The following COLEC11 variants were observed in gnomAD, a reference collection of about 807,000 sequenced individuals.
COLEC11 encodes the protein collectin subfamily member 11, also known as collectin-11.
COLEC11 carries 20 observed loss-of-function variants against 27.3 expected under a neutral mutation model. The ratio of observed to expected loss-of-function variants is 0.73; its 90% CI spans 0.51 to 1.06. COLEC11 has a LOEUF of 1.06. Ranked by LOEUF, COLEC11 falls within the 50% of genes least tolerant of loss-of-function variation. The probability of loss-of-function intolerance (pLI) is 0.00; values close to 1 mark genes in which losing one functional copy is unlikely to be tolerated. For missense variants in COLEC11, 310 were observed against 383.0 expected, an observed-to-expected ratio of 0.81 and a Z score of 1.59; for synonymous variants, 163 against 154.7, an observed-to-expected ratio of 1.05 and a Z score of -0.40.
chr2:3,626,123 T>G, intron 3 of COLEC11: 1 of 1,574,990 alleles, frequency 6.3e-7, no homozygotes, highest in Non-Finnish European at 8.7e-7. Flanking sequence ...ACCTTCACAC[T>G]TAAGTTGGAC....
chr2:3,600,445 C>T (rs753792212), intron 1 of COLEC11, among the ~76,000 whole-genome samples: 3 of 152,006 alleles, frequency 2.0e-5, no homozygotes, highest in Non-Finnish European at 4.4e-5. Flanking sequence ...GTCTCAGCTA[C>T]CAGGGAGGCT....
chr2:3,627,548 G>C (rs576711235), intron 3 of COLEC11, among the ~76,000 whole-genome samples: 1 of 150,820 alleles, frequency 6.6e-6, no homozygotes, highest in Non-Finnish European at 1.5e-5. Flanking sequence ...TGCTGGGCAT[G>C]ACACTGGGCA....
intron 1 of COLEC11, among the ~76,000 whole-genome samples, chr2:3,596,233 T>G (rs775316064): frequency 6.6e-6 from 1 of 152,186 alleles, no homozygotes; most frequent in Non-Finnish European, 1.5e-5. Flanking sequence ...TAGGAGGTAT[T>G]TGTGGTGCCT....
At chr2:3,623,573 A>G (rs995810384) in intron 3 of COLEC11, among the ~76,000 whole-genome samples, 7 of 151,666 alleles carry the variant, frequency 4.6e-5, no homozygotes, top group African/African-American at 9.7e-5. Flanking sequence ...TGTTTGATCA[A>G]TTCTGCTCTT....
At chr2:3,624,124 C>G (rs920423721) in intron 3 of COLEC11, among the ~76,000 whole-genome samples, 2 of 152,206 alleles carry the variant, frequency 1.3e-5, no homozygotes, top group Non-Finnish European at 2.9e-5. Context: ...CTAGGTGCTA[C>G]TAGCCTCTCA....
chr2:3,604,141 T>C, intron 1 of COLEC11, 174 bp from the exon 2 acceptor site: 3 of 691,154 alleles, frequency 4.3e-6, no homozygotes, highest in Non-Finnish European at 7.5e-6. Context: ...TGGAAGCTTC[T>C]CAGTGGAGGC....
chr2:3,612,260 A>G lies in COLEC11; in HGVS notation c.131-1051A>G, dbSNP rs1362341800. On this transcript the variant is annotated intron_variant, in intron 2 of 6. Transcript: ENST00000349077. The stretch of plus-strand genomic sequence containing the variant: ...CCCACGCACCCACGCACACGCATGC[A>G]CACATGCACACACATGCACACACAC... 2.0e-5 allele frequency among the ~76,000 whole-genome samples: 3 copies of G among 151,644 alleles called. No homozygotes were observed. The South Asian group carries it at 6.2e-4, about 31-fold the overall frequency.
At position 3,595,147 on chromosome 2, in the gene COLEC11, C is replaced by T. The variant is rs1016164379; in HGVS notation, c.-48C>T. ...CGGGCCAGCGACGGGCAGGACGCCC[C>T]GTTCGCCTAGCGCGTGCTCAGGTAG... On this transcript the variant is annotated 5_prime_UTR_variant, in exon 1 of 7. Coordinates refer to ENST00000349077, the MANE Select transcript of COLEC11 (RefSeq NM_024027.5). 13 of 349,376 alleles carry T rather than the reference C, an allele frequency of 3.7e-5. No homozygotes were observed. Among genetic ancestry groups the T allele is most frequent in the South Asian group, 8.3e-5 (4 of 48,020 alleles). The allele number at this position is 349,376 out of a possible 1,614,324, so 21.6% of individuals were successfully genotyped here. A position where few individuals can be genotyped will look rare whatever the true frequency, so the allele number is the denominator to read the frequency against.
intron 1 of COLEC11, among the ~76,000 whole-genome samples, chr2:3,598,641 G>T (rs559588817): frequency 6.6e-6 from 1 of 152,156 alleles, no homozygotes; most frequent in African/African-American, 2.4e-5. Flanking sequence ...TAATATCCGC[G>T]TGAGCACAGG....
At chr2:3,625,491 A>G (rs1664482003) in intron 3 of COLEC11, among the ~76,000 whole-genome samples, 1 of 152,068 alleles carries the variant, frequency 6.6e-6, no homozygotes, top group Admixed American at 6.5e-5. Context: ...AGGGAGGGCT[A>G]GGAGTCCATA....
chr2:3,606,756 C>A (rs1662737005), intron 2 of COLEC11, among the ~76,000 whole-genome samples: 1 of 152,202 alleles, frequency 6.6e-6, no homozygotes, highest in Non-Finnish European at 1.5e-5. Context: ...TTCAGGATAC[C>A]CAGCATGTCA....
intron 1 of COLEC11, among the ~76,000 whole-genome samples, chr2:3,596,383 C>T (rs2147835798): frequency 7.0e-6 from 1 of 142,942 alleles, no homozygotes; most frequent in South Asian, 2.2e-4. Context: ...GTCACCCAGG[C>T]TGGAGTGCAA....
chr2:3,637,575 A>T lies in COLEC11; in HGVS notation c.245A>T (p.His82Leu), dbSNP rs959057836. The change falls in exon 4 of 7, where the codon CAT becomes CTT. Residue 82 changes from histidine to leucine, a missense_variant. His to Leu is a moderately conservative substitution (Grantham distance 99, BLOSUM62 -3). Coordinates refer to ENST00000349077, the MANE Select transcript of COLEC11 (RefSeq NM_024027.5). ...DKGQKGSVGR[H>L]GKIGPIGSKG... Reference sequence around the variant, plus strand: ...GGACAGAAAGGCAGTGTGGGTCGTCATGGAAAAATTGGTCCCATTGGCTCT... The same window carrying T: ...GGACAGAAAGGCAGTGTGGGTCGTCTTGGAAAAATTGGTCCCATTGGCTCT... The T allele has an allele frequency of 6.2e-7, 1 of 1,614,062 alleles. No individual in the cohort carries two copies. Among genetic ancestry groups the T allele is most frequent in the Non-Finnish European group, 8.5e-7 (1 of 1,180,028 alleles).
intron 1 of COLEC11, among the ~76,000 whole-genome samples, chr2:3,596,361 G>A (rs1474772288): frequency 1.4e-5 from 2 of 144,652 alleles, no homozygotes; most frequent in African/African-American, 5.2e-5. Flanking sequence ...TTTTGAGATG[G>A]ACTCTGGCTC....
At chr2:3,627,184 C>T (rs1664617062) in intron 3 of COLEC11, among the ~76,000 whole-genome samples, 1 of 152,168 alleles carries the variant, frequency 6.6e-6, no homozygotes, top group Non-Finnish European at 1.5e-5. Flanking sequence ...CCAAGACTTC[C>T]TGGTTTCTAG....
chr2:3,603,751 G>T (rs1161965875), intron 1 of COLEC11: 1 of 1,332,694 alleles, frequency 7.5e-7, no homozygotes, highest in Non-Finnish European at 1.1e-6. Context: ...CAGGCCCCTG[G>T]GTTCCTAAGG....
intron 6 of COLEC11, 93 bp downstream of exon 6, chr2:3,643,632 C>G (rs993362724): frequency 5.8e-5 from 93 of 1,601,044 alleles, no homozygotes; most frequent in Non-Finnish European, 7.8e-5. Context: ...CACGCCTGCC[C>G]TGCCTGCCCT....
chr2:3,641,833 G>A (rs910449609), intron 5 of COLEC11, among the ~76,000 whole-genome samples: 2 of 152,204 alleles, frequency 1.3e-5, no homozygotes, highest in African/African-American at 4.8e-5. Context: ...AGGGTGGGCT[G>A]AGACTCTGCC....
intron 3 of COLEC11, among the ~76,000 whole-genome samples, chr2:3,631,717 G>T (rs1250898454): frequency 6.6e-6 from 1 of 151,210 alleles, no homozygotes; most frequent in African/African-American, 2.4e-5. Context: ...CTCGGAGGGG[G>T]CCCCTACTCG....
Sources: allele counts gnomAD v4.1 joint callset (sites outside exome capture counted in the v4.1 genomes callset), GRCh38; gene constraint gnomAD v4.1.1; transcripts MANE v1.5; gene names NCBI Gene and HGNC (gene_info 2026-07-23, HGNC 2026-07-21).